LY96: variants seen among roughly 807,000 people sequenced by gnomAD.
LY96 encodes lymphocyte antigen 96, also known as myeloid differentiation protein-2.
LY96 carries 18 observed loss-of-function variants against 18.9 expected under a neutral mutation model. That is an observed-to-expected ratio of 0.95 (90% CI 0.66 to 1.41). LY96 has a LOEUF of 1.41. Among genes scored for constraint, LY96 ranks in the 40% most tolerant of loss-of-function variants. The pLI, the probability that LY96 is intolerant of heterozygous loss-of-function variation, is 0.00. For missense variants in LY96, 175 were observed against 182.4 expected (o/e 0.96, Z 0.23); for synonymous variants, 66 against 62.6 (o/e 1.06, Z -0.26).
chr8:74,020,781 T>A (rs200870350), intron 3 of LY96, among the ~76,000 whole-genome samples: 1 of 152,038 alleles, frequency 6.6e-6, no homozygotes, highest in Non-Finnish European at 1.5e-5. Context: ...CTACAATCAT[T>A]TGATCTTTGA....
the LY96 span, chr8:74,099,336 C>G: frequency 6.6e-6 from 1 of 152,226 alleles, no homozygotes; most frequent in African/African-American, 2.4e-5. Flanking sequence ...TTCTTCCCTA[C>G]AGGCTAAACA....
intron 1 of LY96, among the ~76,000 whole-genome samples, chr8:74,003,607 G>C (rs1445192108): frequency 1.3e-5 from 2 of 152,206 alleles, no homozygotes; most frequent in Non-Finnish European, 2.9e-5. Flanking sequence ...AATACTTGAA[G>C]TTCCTAGTTA....
chr8:74,081,200 TTTCCTTCC>T, the LY96 span, among the ~76,000 whole-genome samples: 406 of 146,814 alleles, frequency 2.8e-3, 5 homozygotes, highest in African/African-American at 9.7e-3. Context: ...TCCTTCCTTC[TTTCCTTCC>T]TTCCTTCCTT....
downstream of LY96, among the ~76,000 whole-genome samples, chr8:74,034,062 T>TAGTAAG (rs1817010658): frequency 6.6e-6 from 1 of 152,236 alleles, no homozygotes; most frequent in Non-Finnish European, 1.5e-5. Flanking sequence ...ATTTTGCACA[T>TAGTAAG]ACATTGGTCT....
the LY96 span, among the ~76,000 whole-genome samples, chr8:74,091,686 T>C: frequency 2.6e-5 from 4 of 152,220 alleles, no homozygotes; most frequent in Non-Finnish European, 4.4e-5. Flanking sequence ...CTGCCTTTTC[T>C]TTTCTGGGAC....
At chr8:74,093,413 A>G in the LY96 span, among the ~76,000 whole-genome samples, 1 of 152,228 alleles carries the variant, frequency 6.6e-6, no homozygotes, top group African/African-American at 2.4e-5. Context: ...TGTTGAACAA[A>G]TATTTTTGAA....
chr8:74,041,793 A>G, the LY96 span, among the ~76,000 whole-genome samples: 2 of 152,246 alleles, frequency 1.3e-5, no homozygotes, highest in African/African-American at 4.8e-5. Flanking sequence ...TTATCAAGAC[A>G]ATACATACAC....
intron 3 of LY96, among the ~76,000 whole-genome samples, chr8:74,017,577 G>A (rs970855906): frequency 6.6e-6 from 1 of 152,150 alleles, no homozygotes; most frequent in Non-Finnish European, 1.5e-5. Flanking sequence ...CTCGAGAAGA[G>A]CAACCCCAAG....
At chr8:74,055,033 G>A in the LY96 span, among the ~76,000 whole-genome samples, 1 of 151,988 alleles carries the variant, frequency 6.6e-6, no homozygotes, top group Admixed American at 6.6e-5. Context: ...TCAGACTCCT[G>A]AGTAGCTGGC....
chr8:74,019,966 A>G (rs139522333), intron 3 of LY96, among the ~76,000 whole-genome samples: 36 of 152,360 alleles, frequency 2.4e-4, no homozygotes, highest in East Asian at 5.8e-4. Flanking sequence ...CCAATATCAT[A>G]CTGAATGGGC....
the LY96 span, among the ~76,000 whole-genome samples, chr8:74,037,326 T>C: frequency 6.6e-6 from 1 of 152,040 alleles, no homozygotes; most frequent in South Asian, 2.1e-4. Flanking sequence ...AACAGAAGAA[T>C]GGTGAGTCTA....
chr8:74,041,672 C>T, the LY96 span, among the ~76,000 whole-genome samples: 1 of 152,166 alleles, frequency 6.6e-6, no homozygotes, highest in Admixed American at 6.5e-5. Context: ...ACACTGATCT[C>T]CTGCAGTATC....
At chr8:74,062,634 C>G in the LY96 span, among the ~76,000 whole-genome samples, 1 of 152,132 alleles carries the variant, frequency 6.6e-6, no homozygotes, top group Admixed American at 6.5e-5. Flanking sequence ...TTTTCTTTAT[C>G]CAGTCTGTTG....
chr8:74,098,285 A>G, the LY96 span, among the ~76,000 whole-genome samples: 1 of 152,182 alleles, frequency 6.6e-6, no homozygotes, highest in Non-Finnish European at 1.5e-5. Flanking sequence ...AAGGCCTTAG[A>G]AAAATGTTTA....
intron 1 of LY96, among the ~76,000 whole-genome samples, chr8:73,996,761 T>C (rs1459650619): frequency 3.3e-5 from 5 of 151,670 alleles, no homozygotes; most frequent in Non-Finnish European, 5.9e-5. Flanking sequence ...ATTTATTTTT[T>C]TGAGATGGGG....
the LY96 span, among the ~76,000 whole-genome samples, chr8:74,089,860 G>A: frequency 1.3e-5 from 2 of 152,134 alleles, no homozygotes; most frequent in African/African-American, 4.8e-5. Context: ...GACCTTGAGG[G>A]AGTGTGTCAT....
At chr8:74,003,677 C>T (rs1223389577) in intron 1 of LY96, among the ~76,000 whole-genome samples, 1 of 152,154 alleles carries the variant, frequency 6.6e-6, no homozygotes, top group African/African-American at 2.4e-5. Context: ...TTTTTCCTCT[C>T]CCTATGTTGA....
the LY96 span, among the ~76,000 whole-genome samples, chr8:74,050,762 G>A: frequency 6.6e-6 from 1 of 152,160 alleles, no homozygotes; most frequent in Non-Finnish European, 1.5e-5. Flanking sequence ...GGGGGCTCAT[G>A]CCTGTAATCC....
Position 73,991,438 on chromosome 8 carries a change from G to A in LY96, c.-5G>A. On this transcript the variant is annotated 5_prime_UTR_variant, in exon 1 of 5. Transcript: ENST00000284818. ...GCATTTGTAAAGCTTTGGAGATATT[G>A]AATCATGTTACCATTTCTGTTTTTT... is the stretch of plus-strand genomic sequence containing the variant. 4 of 1,504,344 alleles carry A rather than the reference G, an allele frequency of 2.7e-6. No individual in the cohort carries two copies. Among genetic ancestry groups the A allele is most frequent in the Non-Finnish European group, 3.7e-6 (4 of 1,080,386 alleles). 93.2% of individuals were successfully genotyped at this position (1,504,344 alleles called of 1,614,324 possible). A position where few individuals can be genotyped will look rare whatever the true frequency, so the allele number is the denominator to read the frequency against.
Sources: gnomAD v4.1 joint callset for allele counts (sites outside exome capture counted in the v4.1 genomes callset) on GRCh38, gnomAD v4.1.1 for gene constraint, MANE v1.5 for transcripts, NCBI Gene and HGNC (gene_info 2026-07-23, HGNC 2026-07-21) for gene names.